The following POU6F2 variants were observed in gnomAD, a reference collection of about 807,000 sequenced individuals.
POU6F2 encodes the protein POU domain, class 6, transcription factor 2.
POU6F2 carries 31 observed loss-of-function variants against 71.3 expected under a neutral mutation model. The observed-to-expected ratio is 0.43, with a 90% CI of 0.33 to 0.59. POU6F2 has a LOEUF of 0.59. POU6F2 is among the 20% of genes least tolerant of loss of function. The pLI, the probability that POU6F2 is intolerant of heterozygous loss-of-function variation, is 0.04. For synonymous variants in POU6F2, 347 were observed against 355.7 expected (o/e 0.98, Z 0.27); for missense variants, 783 against 856.8 (o/e 0.91, Z 1.07).
intron 4 of POU6F2, among the ~76,000 whole-genome samples, chr7:39,262,507 C>T (rs1784155634): frequency 6.6e-6 from 1 of 152,208 alleles, no homozygotes; most frequent in Admixed American, 6.5e-5. Flanking sequence ...AAATGCCGAA[C>T]ATGCAACAAC....
chr7:39,150,225 C>CTGTGTG (rs60761447), intron 2 of POU6F2, among the ~76,000 whole-genome samples: 21,509 of 141,098 alleles, frequency 0.15, 1,774 homozygotes, highest in Non-Finnish European at 0.19. Context: ...AGTAATATGT[C>CTGTGTG]TGTGTGTGTG....
intron 1 of POU6F2, among the ~76,000 whole-genome samples, chr7:39,051,287 G>A (rs1345049665): frequency 6.6e-6 from 1 of 152,126 alleles, no homozygotes; most frequent in Non-Finnish European, 1.5e-5. Context: ...TGGCATCACT[G>A]AACACAACCC....
At chr7:39,327,313 C>A (rs1785528678) in intron 4 of POU6F2, among the ~76,000 whole-genome samples, 1 of 151,630 alleles carries the variant, frequency 6.6e-6, no homozygotes, top group Non-Finnish European at 1.5e-5. Flanking sequence ...TACGCACATA[C>A]CCACTTAACA....
rs144013493 is a variant in POU6F2, at chr7:39,349,029, T to C, written c.972+9014T>C. ...AACCACTGCTCTAAAGCCTCCTTAA[T>C]TGTGGGGTCAGCACAACTAAAATAA... is the stretch of plus-strand genomic sequence containing the variant. On this transcript the variant is annotated intron_variant, in intron 5 of 9. Coordinates refer to ENST00000518318, the MANE Select transcript of POU6F2 (RefSeq NM_001370959.1). Among the ~76,000 whole-genome samples, 410 of 152,282 alleles carry C rather than the reference T, an allele frequency of 2.7e-3. 5 individuals carry two copies. The highest frequency in any genetic ancestry group is 9.5e-3 in the African/African-American group (396 of 41,562).
At chr7:39,097,403 T>C (rs538315525) in intron 2 of POU6F2, among the ~76,000 whole-genome samples, 1 of 152,310 alleles carries the variant, frequency 6.6e-6, no homozygotes, top group East Asian at 1.9e-4. Context: ...ATCTTTGAAA[T>C]TACTTTTCCT....
chr7:38,982,318 G>A (rs1788340461), intron 1 of POU6F2, among the ~76,000 whole-genome samples: 1 of 152,036 alleles, frequency 6.6e-6, no homozygotes, highest in Admixed American at 6.6e-5. Flanking sequence ...TAATTTTATT[G>A]AGAATACTTT....
chr7:39,435,434 T>C (rs1788217255), intron 7 of POU6F2, among the ~76,000 whole-genome samples: 1 of 152,250 alleles, frequency 6.6e-6, no homozygotes, highest in Non-Finnish European at 1.5e-5. Context: ...AATGTCTTCT[T>C]TTGAGAAGTC....
At chr7:39,383,456 A>T (rs2115803435) in intron 5 of POU6F2, among the ~76,000 whole-genome samples, 1 of 152,292 alleles carries the variant, frequency 6.6e-6, no homozygotes, top group East Asian at 1.9e-4. Flanking sequence ...TATTCTTATA[A>T]GGAAAATGTT....
At chr7:39,209,206 C>A (rs1234098067) in intron 4 of POU6F2, among the ~76,000 whole-genome samples, 1 of 152,056 alleles carries the variant, frequency 6.6e-6, no homozygotes, top group African/African-American at 2.4e-5. Flanking sequence ...TTGTAAATAT[C>A]AAAGTTCATT....
intron 2 of POU6F2, among the ~76,000 whole-genome samples, chr7:39,091,658 T>C (rs1226831014): frequency 6.6e-6 from 1 of 152,232 alleles, no homozygotes; most frequent in East Asian, 1.9e-4. Flanking sequence ...GCCCAGTTTA[T>C]GTCATAATTA....
At chr7:39,455,220 T>C (rs1167261311) in intron 8 of POU6F2, among the ~76,000 whole-genome samples, 2 of 152,222 alleles carry the variant, frequency 1.3e-5, no homozygotes, top group Non-Finnish European at 2.9e-5. Flanking sequence ...TTTTGATCAC[T>C]TGCTGGATTT....
At chr7:39,055,689 G>C (rs1790492566) in intron 1 of POU6F2, among the ~76,000 whole-genome samples, 1 of 151,910 alleles carries the variant, frequency 6.6e-6, no homozygotes, top group South Asian at 2.1e-4. Context: ...AAGAACAAAA[G>C]TACAAAGCAG....
chr7:39,101,048 T>C (rs1695660984), intron 2 of POU6F2, among the ~76,000 whole-genome samples: 1 of 150,596 alleles, frequency 6.6e-6, no homozygotes, highest in African/African-American at 2.5e-5. Flanking sequence ...CAATTTTTCA[T>C]ATTTTTATAA....
chr7:39,342,628 A>G (rs1356709333), intron 5 of POU6F2, among the ~76,000 whole-genome samples: 1 of 152,214 alleles, frequency 6.6e-6, no homozygotes, highest in South Asian at 2.1e-4. Flanking sequence ...TTGGAGGACA[A>G]CAATTATTTC....
chr7:39,106,411 C>G (rs1791688330), intron 2 of POU6F2, among the ~76,000 whole-genome samples: 1 of 152,186 alleles, frequency 6.6e-6, no homozygotes, highest in Non-Finnish European at 1.5e-5. Context: ...AATGCTATAA[C>G]TGTGCTGTAA....
chr7:39,207,982 A>C (rs1056018983), intron 4 of POU6F2, among the ~76,000 whole-genome samples: 3 of 152,252 alleles, frequency 2.0e-5, no homozygotes, highest in Non-Finnish European at 4.4e-5. Flanking sequence ...AGCCATGGGT[A>C]AAGAAAAGTT....
At chr7:39,084,798 C>T (rs1290641161) in intron 1 of POU6F2, among the ~76,000 whole-genome samples, 1 of 152,110 alleles carries the variant, frequency 6.6e-6, no homozygotes, top group Non-Finnish European at 1.5e-5. Flanking sequence ...CTGTGCTGGT[C>T]ACCTGTTTCC....
intron 2 of POU6F2, among the ~76,000 whole-genome samples, chr7:39,187,710 T>TGTGAAA (rs891974011): frequency 6.6e-6 from 1 of 152,186 alleles, no homozygotes; most frequent in African/African-American, 2.4e-5. Context: ...TGAATGGAAA[T>TGTGAAA]GTGAAATTAG....
intron 4 of POU6F2, among the ~76,000 whole-genome samples, chr7:39,243,836 T>C (rs1178011728): frequency 6.6e-6 from 1 of 152,142 alleles, no homozygotes; most frequent in Non-Finnish European, 1.5e-5. Flanking sequence ...ACTCAGAATT[T>C]GCCCATTTTT....
Sources: allele counts gnomAD v4.1 joint callset (sites outside exome capture counted in the v4.1 genomes callset), GRCh38; gene constraint gnomAD v4.1.1; transcripts MANE v1.5; gene names NCBI Gene and HGNC (gene_info 2026-07-23, HGNC 2026-07-21).